UBE2L3: variants seen among roughly 807,000 people sequenced by gnomAD.
UBE2L3 encodes the protein ubiquitin-conjugating enzyme E2 L3.
Under a neutral mutation model 17.8 loss-of-function variants are expected in UBE2L3, and 1 was observed. That is an observed-to-expected ratio of 0.06 (90% CI 0.02 to 0.27). The LOEUF is 0.27. Ranked by LOEUF, UBE2L3 falls within the 10% of genes least tolerant of loss-of-function variation. The probability of loss-of-function intolerance (pLI) is 1.00; values close to 1 mark genes in which losing one functional copy is unlikely to be tolerated. For synonymous variants in UBE2L3, 44 were observed against 68.5 expected (o/e 0.64, Z 1.76); for missense variants, 40 against 192.6 (o/e 0.21, Z 4.69).
chr22:21,615,498 T>C (rs572961740), intron 3 of UBE2L3, among the ~76,000 whole-genome samples: 10 of 147,224 alleles, frequency 6.8e-5, no homozygotes, highest in African/African-American at 2.5e-4. Context: ...GAGATTGCAG[T>C]GAGCCGAGAT....
At chr22:21,583,867 T>C (rs1204261378) in intron 1 of UBE2L3, among the ~76,000 whole-genome samples, 1 of 152,192 alleles carries the variant, frequency 6.6e-6, no homozygotes, top group South Asian at 2.1e-4. Context: ...AGGTGAACTT[T>C]TTAAATTTTA....
intron 1 of UBE2L3, among the ~76,000 whole-genome samples, chr22:21,560,886 C>T (rs1926408401): frequency 6.6e-6 from 1 of 152,282 alleles, no homozygotes; most frequent in Non-Finnish European, 1.5e-5. Context: ...AGTCCTTCAT[C>T]AAATGTTTGT....
At chr22:21,601,727 T>C (rs1403921155) in intron 2 of UBE2L3, among the ~76,000 whole-genome samples, 1 of 150,318 alleles carries the variant, frequency 6.7e-6, no homozygotes, top group Non-Finnish European at 1.5e-5. Context: ...ATCCCAGCAC[T>C]TTGGGAGGCT....
rs750566572 is a variant in UBE2L3 at position 21,551,992 on chromosome 22, T to TACACACACACACAC, written c.201+2377_201+2390dup. 4.0e-5 allele frequency among the ~76,000 whole-genome samples: 4 copies of TACACACACACACAC among 99,770 alleles called. 1 individual carries two copies. Among genetic ancestry groups the TACACACACACACAC allele is most frequent in the Non-Finnish European group, 6.1e-5 (3 of 49,436 alleles). The allele number at this position is 99,770 out of a possible 152,430, so 65.5% of individuals were successfully genotyped here. A position where few individuals can be genotyped will look rare whatever the true frequency, so the allele number is the denominator to read the frequency against. On this transcript the variant is annotated intron_variant, in intron 1 of 3. Coordinates refer to the UBE2L3 transcript ENST00000458578. Reference sequence around the variant, plus strand: ...ACATACACACACTGAACTGAAGAAATACACACACACACACACACACACACA... The same window carrying TACACACACACACAC: ...ACATACACACACTGAACTGAAGAAATACACACACACACACACACACACACACACACACACACACA...
At chr22:21,555,530 CAGG>C (rs1926192377) in intron 1 of UBE2L3, 1 of 155,546 alleles carries the variant, frequency 6.4e-6, no homozygotes, top group South Asian at 2.0e-4. Flanking sequence ...GAGGCTGAGG[CAGG>C]AGAATCGCTT....
intron 1 of UBE2L3, among the ~76,000 whole-genome samples, chr22:21,576,649 T>C (rs1927315719): frequency 1.3e-5 from 2 of 151,980 alleles, no homozygotes; most frequent in Non-Finnish European, 2.9e-5. Context: ...TTGGTTAGGC[T>C]GGTCTCAAAC....
At chr22:21,561,803 G>C (rs548517948) in intron 1 of UBE2L3, among the ~76,000 whole-genome samples, 1 of 152,360 alleles carries the variant, frequency 6.6e-6, no homozygotes, top group East Asian at 1.9e-4. Context: ...GGTAGTCAGA[G>C]GGAGGTTGAG....
intron 1 of UBE2L3, among the ~76,000 whole-genome samples, chr22:21,558,020 C>T (rs541811234): frequency 1.3e-5 from 2 of 151,250 alleles, no homozygotes; most frequent in Middle Eastern, 3.4e-3. Flanking sequence ...GGCAATATGT[C>T]CCCCTTACGT....
intron 3 of UBE2L3, among the ~76,000 whole-genome samples, chr22:21,619,867 T>C (rs1164333120): frequency 6.6e-6 from 1 of 152,176 alleles, no homozygotes; most frequent in Admixed American, 6.5e-5. Context: ...AATTTTTGTA[T>C]TTTTAGTAGA....
chr22:21,583,575 C>G (rs550235733), intron 1 of UBE2L3, among the ~76,000 whole-genome samples: 1 of 152,318 alleles, frequency 6.6e-6, no homozygotes, highest in East Asian at 1.9e-4. Flanking sequence ...TTCACCTGCT[C>G]CTGGCACTGA....
intron 2 of UBE2L3, among the ~76,000 whole-genome samples, chr22:21,597,568 A>G (rs1928597290): frequency 6.6e-6 from 1 of 151,924 alleles, no homozygotes; most frequent in South Asian, 2.1e-4. Context: ...AAGCTCTGGG[A>G]TTTACAGATG....
chr22:21,617,110 A>C (rs1348789855), intron 3 of UBE2L3, among the ~76,000 whole-genome samples: 1 of 148,420 alleles, frequency 6.7e-6, no homozygotes, highest in Non-Finnish European at 1.5e-5. Context: ...CTGCCACTGC[A>C]CTCCAGCCTG....
intron 3 of UBE2L3, among the ~76,000 whole-genome samples, chr22:21,620,747 G>A (rs1196388866): frequency 6.6e-6 from 1 of 152,138 alleles, no homozygotes; most frequent in Admixed American, 6.5e-5. Flanking sequence ...ACCCTTTCTA[G>A]AGGGTTCAGA....
At chr22:21,603,907 ATTTTTTT>A (rs144747629) in intron 2 of UBE2L3, among the ~76,000 whole-genome samples, 49 of 111,316 alleles carry the variant, frequency 4.4e-4, no homozygotes, top group Admixed American at 1.5e-3. Context: ...GTGTTTTTTG[ATTTTTTT>A]TTTTTTTTTT....
intron 3 of UBE2L3, among the ~76,000 whole-genome samples, chr22:21,615,487 G>A (rs1329008601): frequency 4.0e-5 from 6 of 150,866 alleles, no homozygotes; most frequent in Non-Finnish European, 7.4e-5. Context: ...CCTGGGAGGC[G>A]GAGATTGCAG....
At chr22:21,575,284 G>A (rs1927206676) in intron 1 of UBE2L3, among the ~76,000 whole-genome samples, 1 of 148,112 alleles carries the variant, frequency 6.8e-6, no homozygotes, top group Non-Finnish European at 1.5e-5. Flanking sequence ...AAAAGAAAAG[G>A]AAAAAGAAAA....
chr22:21,614,242 C>T (rs1929650821), intron 3 of UBE2L3, among the ~76,000 whole-genome samples: 1 of 152,178 alleles, frequency 6.6e-6, no homozygotes, highest in African/African-American at 2.4e-5. Context: ...GCAAAGCCTG[C>T]CTTTTTAAAT....
upstream of UBE2L3, among the ~76,000 whole-genome samples, chr22:21,563,727 C>T (rs112439460): frequency 0.014 from 2,145 of 150,232 alleles, 58 homozygotes; most frequent in African/African-American, 0.051. Flanking sequence ...TAGGCACCCT[C>T]CACCACACCC....
Position 21,551,933 on chromosome 22 carries a change from A to T in UBE2L3, c.201+2283A>T, listed in dbSNP as rs1279408650. Reference sequence around the variant, plus strand: ...ACACACACACATACTGAGCTGAAGGAATACACACATACACTGAGCTGCAGA... The same window carrying T: ...ACACACACACATACTGAGCTGAAGGTATACACACATACACTGAGCTGCAGA... On this transcript the variant is annotated intron_variant, in intron 1 of 3. Coordinates refer to the UBE2L3 transcript ENST00000458578. Among the ~76,000 whole-genome samples the T allele has an allele frequency of 6.9e-4, 70 of 101,732 alleles. 1 individual carries two copies. The highest frequency in any genetic ancestry group is 3.1e-3 in the African/African-American group (65 of 21,110). 66.7% of individuals were successfully genotyped at this position (101,732 alleles called of 152,430 possible).
Sources: gnomAD v4.1 joint callset for allele counts (sites outside exome capture counted in the v4.1 genomes callset) on GRCh38, gnomAD v4.1.1 for gene constraint, MANE v1.5 for transcripts, NCBI Gene and HGNC (gene_info 2026-07-23, HGNC 2026-07-21) for gene names.